Variants in ERCC8 observed in about 807,000 individuals in gnomAD.
The protein encoded by ERCC8 is DNA excision repair protein ERCC-8.
ERCC8 carries 52 observed loss-of-function variants against 54.9 expected under a neutral mutation model. The ratio of observed to expected loss-of-function variants is 0.95; its 90% CI spans 0.76 to 1.19. The LOEUF is 1.19. Among genes scored for constraint, ERCC8 ranks in the 50% most tolerant of loss-of-function variants. The pLI is 0.00. For missense variants in ERCC8, 514 were observed against 466.1 expected, an observed-to-expected ratio of 1.10 and a Z score of -0.95; for synonymous variants, 146 against 157.2, an observed-to-expected ratio of 0.93 and a Z score of 0.53.
Position 60,874,597 on chromosome 5 carries a change from A to C in ERCC8, c.*18T>G. 6.2e-7 allele frequency: 1 copy of C among 1,610,308 alleles called. No individual in the cohort carries two copies. The highest frequency in any genetic ancestry group is 8.5e-7 in the Non-Finnish European group (1 of 1,176,988). On this transcript the variant is annotated 3_prime_UTR_variant, in exon 12 of 12. Transcript: ENST00000676185. ...TTAAAAAGTTTCAGCAGAGACAAAAAGGTACTAAAGATGATATTCATCCTT... is the reference window on the plus strand; with the variant it reads ...TTAAAAAGTTTCAGCAGAGACAAAACGGTACTAAAGATGATATTCATCCTT...
Position 60,887,326 on chromosome 5 carries a change from A to C in ERCC8, c.1122+114T>G, listed in dbSNP as rs1183358896. On this transcript the variant is annotated intron_variant, in intron 11 of 11. Coordinates refer to ENST00000676185, the MANE Select transcript of ERCC8 (RefSeq NM_000082.4). ...CTCAGTCTCCCAGGTACCTGGGACT[A>C]TAGGTGCATGCCACTGGCAAGAAAT... 11 of 873,842 alleles carry C rather than the reference A, an allele frequency of 1.3e-5. 1 individual carries two copies. Among genetic ancestry groups the C allele is most frequent in the East Asian group, 1.0e-4 (4 of 38,760 alleles). The allele number at this position is 873,842 out of a possible 1,614,324, so 54.1% of individuals were successfully genotyped here.
At chr5:60,942,299 T>C (rs76588026) in intron 1 of ERCC8, among the ~76,000 whole-genome samples, 3,661 of 152,250 alleles carry the variant, frequency 0.024, 63 homozygotes, top group Non-Finnish European at 0.037. Flanking sequence ...TCCACTGTTA[T>C]GCATTAACTT....
rs1428695623 is a variant in ERCC8, at chr5:60,887,478, C to T, written c.1084G>A (p.Val362Ile). ...GSRDCNILAW[V>I]PSLYEPVPDD... ...GGAACTGGTTCATATAAGGATGGAA[C>T]CCAAGCCAGAATGTTGCAGTCTCTG... Residue 362 changes from valine (V) to isoleucine (I), a missense_variant, in exon 11 of 12, where the codon GTT (valine) becomes ATT (isoleucine). Coordinates refer to ENST00000676185, the MANE Select transcript of ERCC8 (RefSeq NM_000082.4). 6.2e-7 allele frequency: 1 copy of T among 1,613,954 alleles called. No individual in the cohort carries two copies. Among genetic ancestry groups the T allele is most frequent in the South Asian group, 1.1e-5 (1 of 91,068 alleles).
chr5:60,887,129 A>G (rs929822705), intron 11 of ERCC8, among the ~76,000 whole-genome samples: 9 of 152,214 alleles, frequency 5.9e-5, no homozygotes, highest in African/African-American at 2.2e-4. Context: ...GACTTGAGGA[A>G]TTTTATGTTC....
At chr5:60,879,198 C>T (rs1370867285) in intron 11 of ERCC8, among the ~76,000 whole-genome samples, 1 of 152,162 alleles carries the variant, frequency 6.6e-6, no homozygotes, top group Non-Finnish European at 1.5e-5. Flanking sequence ...TTTCTTAATC[C>T]TGAGTTCTAG....
At chr5:60,924,224 C>T (rs1749685313) in intron 2 of ERCC8, 1 of 152,438 alleles carries the variant, frequency 6.6e-6, no homozygotes, top group Non-Finnish European at 1.5e-5. Context: ...GCAGACAAAC[C>T]AATATCTAGA....
intron 1 of ERCC8, among the ~76,000 whole-genome samples, chr5:60,940,813 C>T (rs1450089817): frequency 6.6e-6 from 1 of 152,102 alleles, no homozygotes; most frequent in South Asian, 2.1e-4. Context: ...AATGTTAAAA[C>T]AAAAATATCA....
rs908516418 is a variant in ERCC8, at chr5:60,911,060, T to G, written c.400-6187A>C. Among the ~76,000 whole-genome samples, 9 of 152,244 alleles carry G rather than the reference T, an allele frequency of 5.9e-5. No homozygotes were observed. In the South Asian group the frequency reaches 1.7e-3, roughly 28 times the overall value. ...TATGCAGAGAATTTTATTTTTATTT[T>G]TATATATTTTTTAATTATACTTTTA... On this transcript the variant is annotated intron_variant, in intron 4 of 11. Coordinates refer to ENST00000676185, the MANE Select transcript of ERCC8 (RefSeq NM_000082.4).
At chr5:60,903,904 T>C (rs898735199) in intron 5 of ERCC8, among the ~76,000 whole-genome samples, 188 bp from the exon 6 acceptor site, 2 of 152,116 alleles carry the variant, frequency 1.3e-5, no homozygotes, top group Non-Finnish European at 2.9e-5. Flanking sequence ...AGTTATATTT[T>C]AGTAGTAAGA....
intron 11 of ERCC8, among the ~76,000 whole-genome samples, chr5:60,883,197 A>G (rs1748296479): frequency 6.6e-6 from 1 of 152,268 alleles, no homozygotes. Flanking sequence ...TCAGTTGCAT[A>G]CAAATTATTT....
chr5:60,903,656 A>G lies in ERCC8; in HGVS notation c.542T>C (p.Ile181Thr). 4 of 1,612,592 alleles carry G rather than the reference A, an allele frequency of 2.5e-6. No individual in the cohort carries two copies. The highest frequency in any genetic ancestry group is 3.4e-6 in the Non-Finnish European group (4 of 1,179,022). Residue 181 changes from isoleucine to threonine, a missense_variant, in exon 6 of 12, where the codon ATT becomes ACT. Transcript: ENST00000676185. ...CDLKSGSCSH[I>T]LQGHRQEILA... is the part of the protein sequence containing the mutation. ...AAATAAAATAAAAATACCCTGTAGA[A>G]TGTGAGAACAGGATCCAGACTTCAA...
chr5:60,870,907 T>C lies in ERCC8; in HGVS notation c.*3708A>G, dbSNP rs952956646. On this transcript the variant is annotated 3_prime_UTR_variant, in exon 12 of 12. Coordinates refer to ENST00000676185, the MANE Select transcript of ERCC8 (RefSeq NM_000082.4). ...ACGAGATTAAGAAACTGTAAGTTTT[T>C]ACTTTTTTCTTTTAAACCTCAGTTT... Among the ~76,000 whole-genome samples the C allele has an allele frequency of 4.6e-5, 7 of 152,190 alleles. No homozygotes were observed. The highest frequency in any genetic ancestry group is 1.7e-4 in the African/African-American group (7 of 41,452).
intron 11 of ERCC8, among the ~76,000 whole-genome samples, chr5:60,879,907 G>T (rs35546392): frequency 0.33 from 49,690 of 151,966 alleles, 8,474 homozygotes; most frequent in Middle Eastern, 0.36. Context: ...ATCCTGTCAT[G>T]ATGACATTAG....
chr5:60,922,254 A>C, intron 2 of ERCC8, 99 bp from the exon 3 acceptor site: 1 of 746,254 alleles, frequency 1.3e-6, no homozygotes, highest in East Asian at 2.7e-5. Context: ...GCAAACACTC[A>C]AATGTATTAA....
chr5:60,900,187 T>C (rs4647116), intron 7 of ERCC8, among the ~76,000 whole-genome samples: 3,026 of 152,058 alleles, frequency 0.02, 117 homozygotes, highest in African/African-American at 0.069. Context: ...AAACGGTAAG[T>C]GTAAGGTGAA....
rs1309059257 is a variant in ERCC8, at chr5:60,871,738, T to G, written c.*2877A>C. On this transcript the variant is annotated 3_prime_UTR_variant, in exon 12 of 12. Coordinates refer to ENST00000676185, the MANE Select transcript of ERCC8 (RefSeq NM_000082.4). ...AACTAGAAGTAAGTAAAACAGTTAC[T>G]TGCAGTTTGGAAGCAGACTTCCTTT... 2.6e-5 allele frequency among the ~76,000 whole-genome samples: 4 copies of G among 152,212 alleles called. No individual in the cohort carries two copies. The East Asian group carries it at 7.7e-4, about 29-fold the overall frequency.
chr5:60,885,673 T>C (rs12522154), intron 11 of ERCC8, among the ~76,000 whole-genome samples: 49,793 of 151,918 alleles, frequency 0.33, 8,578 homozygotes, highest in Middle Eastern at 0.36. Context: ...GCATATGGCA[T>C]TGGGTAGCTA....
At chr5:60,909,257 A>AAAAAAAAAAAAAAAAAAC in intron 4 of ERCC8, among the ~76,000 whole-genome samples, 1 of 139,538 alleles carries the variant, frequency 7.2e-6, no homozygotes, top group Non-Finnish European at 1.5e-5. Context: ...AAAAAAAAAA[A>AAAAAAAAAAAAAAAAAAC]AAAAAAAAAA....
At chr5:60,910,789 T>A (rs1749234526) in intron 4 of ERCC8, among the ~76,000 whole-genome samples, 1 of 152,162 alleles carries the variant, frequency 6.6e-6, no homozygotes, top group Non-Finnish European at 1.5e-5. Context: ...TTGAATTTTC[T>A]ACGTTCATAA....
Sources: gnomAD v4.1 joint callset for allele counts (sites outside exome capture counted in the v4.1 genomes callset) on GRCh38, gnomAD v4.1.1 for gene constraint, MANE v1.5 for transcripts, NCBI Gene and HGNC (gene_info 2026-07-23, HGNC 2026-07-21) for gene names.